TANC1: variants seen among roughly 807,000 people sequenced by gnomAD.
The protein encoded by TANC1 is tetratricopeptide repeat, ankyrin repeat and coiled-coil containing 1.
TANC1 carries 77 observed loss-of-function variants against 149.7 expected under a neutral mutation model. The ratio of observed to expected loss-of-function variants is 0.51; its 90% CI spans 0.43 to 0.62. The LOEUF is 0.62. TANC1 is among the 20% of genes least tolerant of loss of function. The pLI, the probability that TANC1 is intolerant of heterozygous loss-of-function variation, is 0.00. For missense variants in TANC1, 1,985 were observed against 2,321.8 expected, an observed-to-expected ratio of 0.85 and a Z score of 2.98; for synonymous variants, 854 against 925.0, an observed-to-expected ratio of 0.92 and a Z score of 1.39.
intron 18 of TANC1, 45 bp from the exon 19 acceptor site, chr2:159,198,930 C>A: frequency 7.1e-7 from 1 of 1,414,798 alleles, no homozygotes; most frequent in Non-Finnish European, 1.0e-6. Flanking sequence ...TAATAAGCAC[C>A]TCTTGCTAAG....
At chr2:159,063,201 C>T (rs2042392145) in intron 2 of TANC1, among the ~76,000 whole-genome samples, 1 of 152,092 alleles carries the variant, frequency 6.6e-6, no homozygotes, top group South Asian at 2.1e-4. Flanking sequence ...TTGTATCATG[C>T]CAATGTGTGA....
chr2:158,984,960 A>G (rs1317253766), intron 1 of TANC1, among the ~76,000 whole-genome samples: 1 of 152,190 alleles, frequency 6.6e-6, no homozygotes, highest in Admixed American at 6.5e-5. Context: ...TCCTGTAAGC[A>G]AGTGATAGCT....
At chr2:159,134,472 CTTTG>C (rs1241947329) in intron 4 of TANC1, among the ~76,000 whole-genome samples, 3 of 150,508 alleles carry the variant, frequency 2.0e-5, no homozygotes, top group Non-Finnish European at 4.4e-5. Flanking sequence ...ACCCAGCTAA[CTTTG>C]TTTATTTTTA....
intron 2 of TANC1, among the ~76,000 whole-genome samples, chr2:159,050,708 A>C (rs2041401409): frequency 6.6e-6 from 1 of 152,210 alleles, no homozygotes; most frequent in African/African-American, 2.4e-5. Context: ...TCTGTGAAAT[A>C]AGTTTCTCTA....
intron 4 of TANC1, among the ~76,000 whole-genome samples, chr2:159,116,392 A>G (rs1192045958): frequency 6.6e-6 from 1 of 151,744 alleles, no homozygotes; most frequent in Non-Finnish European, 1.5e-5. Flanking sequence ...GTACCACTGT[A>G]TTACAGCCTG....
intron 11 of TANC1, among the ~76,000 whole-genome samples, chr2:159,172,971 T>C (rs1184510159): frequency 2.6e-5 from 4 of 152,126 alleles, no homozygotes; most frequent in African/African-American, 7.2e-5. Flanking sequence ...GAACCGAATC[T>C]TGCCCTGCAC....
chr2:159,099,432 T>C (rs955066929), intron 4 of TANC1, among the ~76,000 whole-genome samples: 6 of 152,118 alleles, frequency 3.9e-5, no homozygotes, highest in African/African-American at 1.4e-4. Flanking sequence ...GCACAGTGTT[T>C]TACTTTTTCT....
intron 2 of TANC1, among the ~76,000 whole-genome samples, chr2:159,020,825 T>C (rs918067242): frequency 6.6e-6 from 1 of 152,056 alleles, no homozygotes; most frequent in African/African-American, 2.4e-5. Flanking sequence ...TTGAGTTATA[T>C]AGACAATCTT....
intron 1 of TANC1, among the ~76,000 whole-genome samples, chr2:158,989,609 C>CAAA (rs35891573): frequency 1.1e-5 from 1 of 87,596 alleles, no homozygotes. Flanking sequence ...GACTCAGTCT[C>CAAA]AAAAAAAAAA....
At position 159,227,944 on chromosome 2, in the gene TANC1, G is replaced by A. The variant is rs558283685; in HGVS notation, c.4029G>A (p.Ser1343=). 2.9e-5 allele frequency: 47 copies of A among 1,612,920 alleles called. No homozygotes were observed. Among genetic ancestry groups the A allele is most frequent in the Middle Eastern group, 1.7e-4 (1 of 5,734 alleles). ...ELRVSLYLNL[S]RCRRKTNDFG... ...GGGTTTCCCTCTATCTCAATTTGTC[G>A]CGATGCCGAAGAAAAACAAATGTAA... The change falls in exon 25 of 27, where the codon TCG becomes TCA. Residue 1343 remains serine, a synonymous_variant. Coordinates refer to ENST00000263635, the MANE Select transcript of TANC1 (RefSeq NM_033394.3).
intron 3 of TANC1, among the ~76,000 whole-genome samples, chr2:159,075,269 A>G (rs560512177): frequency 6.6e-6 from 1 of 152,254 alleles, no homozygotes; most frequent in South Asian, 2.1e-4. Flanking sequence ...TACTCAATGT[A>G]CAAAATTCGA....
At chr2:159,102,207 T>C (rs2046789719) in intron 4 of TANC1, among the ~76,000 whole-genome samples, 1 of 152,178 alleles carries the variant, frequency 6.6e-6, no homozygotes, top group East Asian at 1.9e-4. Flanking sequence ...TCTAGTCTTT[T>C]GAAAAAAATC....
At chr2:158,989,859 C>A (rs1262696612) in intron 1 of TANC1, among the ~76,000 whole-genome samples, 2 of 151,840 alleles carry the variant, frequency 1.3e-5, no homozygotes, top group Non-Finnish European at 2.9e-5. Flanking sequence ...TCCAGCCCTC[C>A]TCTAATGCCC....
rs759214261 is a variant in TANC1 at position 159,186,982 on chromosome 2, C to T, written c.2700C>T (p.Ala900=). 2.7e-5 allele frequency: 44 copies of T among 1,614,092 alleles called. No homozygotes were observed. The Middle Eastern group carries it at 6.6e-4, about 24-fold the overall frequency. ...WIGYSTEGLS[A]ALASLRNLYT... ...GCTACAGCACCGAGGGGCTGTCCGC[C>T]GCCCTGGCCTCTCTCAGGAATCTCT... Residue 900 remains alanine, a synonymous_variant, in exon 16 of 27, where the codon GCC becomes GCT. Coordinates refer to ENST00000263635, the MANE Select transcript of TANC1 (RefSeq NM_033394.3).
At chr2:159,113,094 G>A (rs955961798) in intron 4 of TANC1, among the ~76,000 whole-genome samples, 4 of 152,038 alleles carry the variant, frequency 2.6e-5, no homozygotes, top group African/African-American at 4.8e-5. Context: ...GTCACTACGC[G>A]TGGCTAATTT....
chr2:159,032,265 G>A (rs920778739), intron 2 of TANC1, among the ~76,000 whole-genome samples: 3 of 152,198 alleles, frequency 2.0e-5, no homozygotes, highest in Non-Finnish European at 4.4e-5. Flanking sequence ...GATCAGAATG[G>A]CAGTGCTTTT....
intron 19 of TANC1, among the ~76,000 whole-genome samples, chr2:159,215,221 C>T (rs542727482): frequency 3.1e-4 from 47 of 152,290 alleles, no homozygotes; most frequent in African/African-American, 9.4e-4. Flanking sequence ...TTTCCGGTGA[C>T]GAGGCCCCAG....
chr2:159,154,064 G>A (rs1386280655), intron 7 of TANC1, among the ~76,000 whole-genome samples: 2 of 152,154 alleles, frequency 1.3e-5, no homozygotes, highest in Non-Finnish European at 2.9e-5. Flanking sequence ...ATTTTAAGTA[G>A]TTTAATATTT....
At chr2:159,012,983 G>A (rs2037917696) in intron 2 of TANC1, among the ~76,000 whole-genome samples, 1 of 152,086 alleles carries the variant, frequency 6.6e-6, no homozygotes, top group African/African-American at 2.4e-5. Context: ...TATAAATTCT[G>A]TATTCTTTTT....
Sources: gnomAD v4.1 joint callset for allele counts (sites outside exome capture counted in the v4.1 genomes callset) on GRCh38, gnomAD v4.1.1 for gene constraint, MANE v1.5 for transcripts, NCBI Gene and HGNC (gene_info 2026-07-23, HGNC 2026-07-21) for gene names.